TRAK1: variants seen among roughly 807,000 people sequenced by gnomAD.
TRAK1 encodes trafficking kinesin protein 1.
A neutral mutation model predicts 92.1 loss-of-function variants in TRAK1; 33 were observed. That is an observed-to-expected ratio of 0.36 (90% CI 0.27 to 0.48). The LOEUF is 0.48. Ranked by LOEUF, TRAK1 falls within the 20% of genes least tolerant of loss-of-function variation. The pLI is 0.99. For synonymous variants in TRAK1, 521 were observed against 517.3 expected, an observed-to-expected ratio of 1.01 and a Z score of -0.10; for missense variants, 1,123 against 1,257.9, an observed-to-expected ratio of 0.89 and a Z score of 1.62.
rs1187372136 is a variant in TRAK1, at chr3:42,097,952, C to CACAT, written c.91+6393_91+6394insCATA. On this transcript the variant is annotated intron_variant, in intron 1 of 15. Coordinates refer to ENST00000327628, the MANE Select transcript of TRAK1 (RefSeq NM_001042646.3). ...TGACAACTATGTGAACACCAGGGTC[C>CACAT]AGTGATGTTTCTATTTCCGGAGGAG... 1.1e-4 allele frequency among the ~76,000 whole-genome samples: 16 copies of CACAT among 152,280 alleles called. No individual in the cohort carries two copies. In the East Asian group the frequency reaches 3.1e-3, roughly 29 times the overall value.
intron 3 of TRAK1, among the ~76,000 whole-genome samples, chr3:42,179,429 C>G (rs1228727187): frequency 1.3e-5 from 2 of 152,186 alleles, no homozygotes; most frequent in Non-Finnish European, 2.9e-5. Context: ...GTGGAGAGTT[C>G]GCTTCTGGTT....
intron 1 of TRAK1, among the ~76,000 whole-genome samples, chr3:42,047,586 A>T (rs578165504): frequency 6.6e-6 from 1 of 152,314 alleles, no homozygotes; most frequent in South Asian, 2.1e-4. Context: ...CCACACTTCT[A>T]GGTTTGGCAT....
At chr3:42,013,484 A>C (rs1180303079), upstream of TRAK1, among the ~76,000 whole-genome samples, 1 of 146,806 alleles carries the variant, frequency 6.8e-6, no homozygotes, top group Non-Finnish European at 1.5e-5. This position sits in a 1 kb window ranked among gnomAD's most constrained non-coding sequence, Gnocchi z 5.1. Flanking sequence ...CGGGCGAGGA[A>C]GGCGGGGCGC....
chr3:42,029,895 G>C (rs925217080), intron 1 of TRAK1, among the ~76,000 whole-genome samples: 1 of 152,034 alleles, frequency 6.6e-6, no homozygotes, highest in African/African-American at 2.4e-5. Context: ...TGGAGAGCCA[G>C]AATAGGGGAG....
chr3:42,105,533 C>G (rs1394720056), intron 1 of TRAK1, among the ~76,000 whole-genome samples: 2 of 152,216 alleles, frequency 1.3e-5, no homozygotes, highest in African/African-American at 4.8e-5. Flanking sequence ...AAGACCAAAT[C>G]TACGTCTGAT....
At chr3:42,029,328 T>G (rs1056377044) in intron 1 of TRAK1, among the ~76,000 whole-genome samples, 4 of 152,168 alleles carry the variant, frequency 2.6e-5, no homozygotes, top group Non-Finnish European at 4.4e-5. Context: ...AGCATCAACC[T>G]TCTGGGCTTG....
At chr3:42,135,740 C>T (rs920261960) in intron 2 of TRAK1, among the ~76,000 whole-genome samples, 28 of 152,104 alleles carry the variant, frequency 1.8e-4, no homozygotes, top group African/African-American at 6.8e-4. Flanking sequence ...TTAGCTAAGT[C>T]CCTTTTTCTT....
intron 3 of TRAK1, among the ~76,000 whole-genome samples, chr3:42,182,556 T>C (rs13073554): frequency 6.6e-6 from 1 of 152,110 alleles, no homozygotes. Context: ...GGATTACGGG[T>C]GAGAGCCACT....
intron 3 of TRAK1, 28 bp from the exon 4 acceptor site, chr3:42,184,657 T>C (rs1055961395): frequency 1.2e-6 from 2 of 1,604,166 alleles, no homozygotes; most frequent in South Asian, 2.2e-5. Flanking sequence ...GTCTTTTGAA[T>C]CTCTGTTCTC....
chr3:42,025,380 T>G (rs1701874712), intron 1 of TRAK1, among the ~76,000 whole-genome samples: 1 of 152,218 alleles, frequency 6.6e-6, no homozygotes, highest in Non-Finnish European at 1.5e-5. Context: ...CTTCTTACAT[T>G]AATTTTGATA....
chr3:42,199,262 A>G lies in TRAK1; in HGVS notation c.1190+9A>G, dbSNP rs769809622. 152 of 1,613,706 alleles carry G rather than the reference A, an allele frequency of 9.4e-5. No individual in the cohort carries two copies. Among genetic ancestry groups the G allele is most frequent in the Non-Finnish European group, 1.2e-4 (140 of 1,179,892 alleles). On this transcript the variant is annotated intron_variant, in intron 11 of 15. Transcript: ENST00000327628. The stretch of plus-strand genomic sequence containing the variant: ...GAGTCTCCAGACATCACGTACGGCC[A>G]CAGTTTTTACAGTTTTGAGATTCCC...
intron 6 of TRAK1, among the ~76,000 whole-genome samples, chr3:42,190,133 A>G (rs1446297694): frequency 1.3e-5 from 2 of 152,104 alleles, no homozygotes; most frequent in Non-Finnish European, 2.9e-5. Flanking sequence ...GCCCCTCTCT[A>G]GAAACACCGA....
rs555921993 is a variant in TRAK1, at chr3:42,200,013, C to T, written c.1190+760C>T. Among the ~76,000 whole-genome samples the T allele has an allele frequency of 2.0e-5, 3 of 152,346 alleles. No individual in the cohort carries two copies. In the East Asian group the frequency reaches 5.8e-4, roughly 29 times the overall value. ...ATCTGAATACACCTAGGGATATGAG[C>T]TTCTACCATCTGTCTTCCTACCTCA... On this transcript the variant is annotated intron_variant, in intron 11 of 15. Transcript: ENST00000327628.
At chr3:42,168,186 C>T (rs997455402) in intron 2 of TRAK1, among the ~76,000 whole-genome samples, 4 of 152,132 alleles carry the variant, frequency 2.6e-5, no homozygotes, top group African/African-American at 9.7e-5. Flanking sequence ...CTAAGTGGGG[C>T]AGATTAGTAC....
chr3:42,044,414 G>A (rs939825641), intron 1 of TRAK1, among the ~76,000 whole-genome samples: 3 of 152,184 alleles, frequency 2.0e-5, no homozygotes, highest in Non-Finnish European at 2.9e-5. Flanking sequence ...CACTTGCCTC[G>A]GTCTCCCAAA....
At chr3:42,041,992 A>T (rs927497293) in intron 1 of TRAK1, among the ~76,000 whole-genome samples, 3 of 152,066 alleles carry the variant, frequency 2.0e-5, no homozygotes, top group African/African-American at 4.8e-5. Flanking sequence ...AGGTTTTTCC[A>T]TGTTGGTCAG....
chr3:42,053,898 ATGCT>A (rs1327513033), intron 1 of TRAK1, among the ~76,000 whole-genome samples: 1 of 152,200 alleles, frequency 6.6e-6, no homozygotes, highest in Non-Finnish European at 1.5e-5. Context: ...CCCTACTCTG[ATGCT>A]TGCTTAAGCT....
chr3:42,174,458 G>A (rs182373795), intron 2 of TRAK1, among the ~76,000 whole-genome samples: 11 of 151,990 alleles, frequency 7.2e-5, no homozygotes, highest in African/African-American at 2.2e-4. Context: ...GTTACCATTG[G>A]GGGAACTGGA....
chr3:42,072,822 T>C (rs1329977911), intron 1 of TRAK1, among the ~76,000 whole-genome samples: 1 of 152,204 alleles, frequency 6.6e-6, no homozygotes, highest in Non-Finnish European at 1.5e-5. Flanking sequence ...GAGAGAGGGC[T>C]GGATTCTGGA....
Sources: allele counts gnomAD v4.1 joint callset (sites outside exome capture counted in the v4.1 genomes callset), GRCh38; gene constraint gnomAD v4.1.1; non-coding constraint Gnocchi (gnomAD v3.1); transcripts MANE v1.5; gene names NCBI Gene and HGNC (gene_info 2026-07-23, HGNC 2026-07-21).